The following STPG2 variants were observed in gnomAD, a reference collection of about 807,000 sequenced individuals.
STPG2 encodes the protein sperm-tail PG-rich repeat-containing protein 2.
STPG2 carries 56 observed loss-of-function variants against 54.2 expected under a neutral mutation model. That is an observed-to-expected ratio of 1.03 (90% CI 0.83 to 1.29). STPG2 has a LOEUF of 1.29. Ranked by LOEUF, STPG2 falls within the 50% of genes most tolerant of loss-of-function variation. The probability of loss-of-function intolerance (pLI) is 0.00; values close to 1 mark genes in which losing one functional copy is unlikely to be tolerated. For synonymous variants in STPG2, 200 were observed against 181.8 expected (o/e 1.10, Z -0.81); for missense variants, 596 against 544.9 (o/e 1.09, Z -0.93).
intron 8 of STPG2, among the ~76,000 whole-genome samples, chr4:97,856,678 C>T (rs1013765127): frequency 3.9e-5 from 6 of 152,086 alleles, no homozygotes; most frequent in South Asian, 2.1e-4. Flanking sequence ...TTGCCCTGGC[C>T]GGAATTTCCA....
chr4:97,899,374 T>G (rs1160940416), intron 8 of STPG2, among the ~76,000 whole-genome samples: 1 of 151,910 alleles, frequency 6.6e-6, no homozygotes, highest in East Asian at 1.9e-4. Context: ...GAAGAATCAA[T>G]ATCATTAAAA....
At chr4:98,119,964 C>T (rs538955757) in intron 3 of STPG2, among the ~76,000 whole-genome samples, 6 of 152,140 alleles carry the variant, frequency 3.9e-5, no homozygotes, top group Middle Eastern at 3.4e-3. Context: ...TATTCCATGG[C>T]GTATATGTGT....
At chr4:97,945,668 C>T (rs1002789438) in intron 7 of STPG2, among the ~76,000 whole-genome samples, 1 of 152,030 alleles carries the variant, frequency 6.6e-6, no homozygotes, top group Non-Finnish European at 1.5e-5. Flanking sequence ...CTAACTTACA[C>T]TCCTACCATT....
intron 2 of STPG2, among the ~76,000 whole-genome samples, chr4:98,131,426 C>T (rs918494710): frequency 1.3e-5 from 2 of 152,152 alleles, no homozygotes; most frequent in South Asian, 2.1e-4. Flanking sequence ...GATAAACTCC[C>T]TAAGTAAATG....
At chr4:97,712,278 T>C (rs1322609955) in intron 10 of STPG2, among the ~76,000 whole-genome samples, 1 of 152,106 alleles carries the variant, frequency 6.6e-6, no homozygotes, top group East Asian at 1.9e-4. Context: ...AAATACAGCA[T>C]CCATGTTCAT....
intron 4 of STPG2, among the ~76,000 whole-genome samples, chr4:97,528,153 T>A (rs1247201387): frequency 6.6e-6 from 1 of 152,122 alleles, no homozygotes; most frequent in African/African-American, 2.4e-5. Context: ...CAATCTTTAA[T>A]CCCATCTTGA....
intron 10 of STPG2, among the ~76,000 whole-genome samples, chr4:97,650,667 CAT>C (rs766490264): frequency 6.6e-6 from 1 of 152,028 alleles, no homozygotes; most frequent in Non-Finnish European, 1.5e-5. Flanking sequence ...ATAGATGACA[CAT>C]GTTTCCTATT....
intron 10 of STPG2, among the ~76,000 whole-genome samples, chr4:97,594,858 A>G (rs1733241463): frequency 6.6e-6 from 1 of 152,244 alleles, no homozygotes; most frequent in African/African-American, 2.4e-5. Flanking sequence ...AATGCTCATC[A>G]TCACTGGCCT....
At chr4:97,855,186 T>C (rs1331645380) in intron 8 of STPG2, among the ~76,000 whole-genome samples, 1 of 152,220 alleles carries the variant, frequency 6.6e-6, no homozygotes, top group East Asian at 1.9e-4. Flanking sequence ...ACGTCTTTGC[T>C]ATTGTAAATA....
chr4:98,002,369 T>C (rs550231183), intron 5 of STPG2, among the ~76,000 whole-genome samples: 1 of 152,228 alleles, frequency 6.6e-6, no homozygotes, highest in Admixed American at 6.5e-5. Context: ...ACATAATACC[T>C]AACTTCCTAT....
chr4:97,892,922 T>C (rs932118138), intron 8 of STPG2: 3 of 152,134 alleles, frequency 2.0e-5, no homozygotes, highest in African/African-American at 7.2e-5. Context: ...AATTCTTTTG[T>C]ACAGCAAAAT....
intron 9 of STPG2, among the ~76,000 whole-genome samples, chr4:97,786,619 A>C (rs1459951448): frequency 6.6e-6 from 1 of 152,060 alleles, no homozygotes; most frequent in Non-Finnish European, 1.5e-5. Context: ...AGTAGGGTGA[A>C]AGAGTTTAAA....
intron 5 of STPG2, among the ~76,000 whole-genome samples, chr4:97,999,622 C>G (rs193070956): frequency 1.9e-3 from 288 of 152,070 alleles, no homozygotes; most frequent in African/African-American, 6.8e-3. Flanking sequence ...TCGCTTGAAC[C>G]CAGGAGGCAG....
chr4:97,477,638 G>A (rs1042773807), intron 4 of STPG2, among the ~76,000 whole-genome samples: 6 of 147,938 alleles, frequency 4.1e-5, no homozygotes, highest in Non-Finnish European at 5.9e-5. Context: ...CACCATGCCC[G>A]GCTAATTTTT....
At chr4:97,886,534 G>A (rs887323782) in intron 8 of STPG2, among the ~76,000 whole-genome samples, 1 of 152,182 alleles carries the variant, frequency 6.6e-6, no homozygotes, top group Admixed American at 6.5e-5. Flanking sequence ...AAAATGAATG[G>A]AGATATATCC....
chr4:97,868,916 C>T (rs990820216), intron 8 of STPG2, among the ~76,000 whole-genome samples: 1 of 151,842 alleles, frequency 6.6e-6, no homozygotes, highest in African/African-American at 2.4e-5. Flanking sequence ...CATTTCAAAG[C>T]TTTTGCAGTA....
At chr4:98,086,821 G>C (rs1255527234) in intron 5 of STPG2, among the ~76,000 whole-genome samples, 1 of 151,892 alleles carries the variant, frequency 6.6e-6, no homozygotes, top group Non-Finnish European at 1.5e-5. Context: ...TTCTTTCCCT[G>C]CTCCTCAGGC....
intron 4 of STPG2, among the ~76,000 whole-genome samples, chr4:97,461,440 T>A (rs1226738795): frequency 1.3e-5 from 2 of 152,220 alleles, no homozygotes; most frequent in Non-Finnish European, 2.9e-5. Flanking sequence ...TGAGCCCTCA[T>A]GAATGAAATA....
chr4:97,688,005 A>C (rs1046010198), intron 10 of STPG2, among the ~76,000 whole-genome samples: 1 of 152,174 alleles, frequency 6.6e-6, no homozygotes, highest in Non-Finnish European at 1.5e-5. Flanking sequence ...AAGTTGTTCA[A>C]TCTTAATATT....
Sources: allele counts gnomAD v4.1 joint callset (sites outside exome capture counted in the v4.1 genomes callset), GRCh38; gene constraint gnomAD v4.1.1; transcripts MANE v1.5; gene names NCBI Gene and HGNC (gene_info 2026-07-23, HGNC 2026-07-21).